The following NOL6 variants were observed in gnomAD, a reference collection of about 807,000 sequenced individuals.
NOL6 encodes the protein nucleolar RNA-associated protein.
Under a neutral mutation model 131.7 loss-of-function variants are expected in NOL6, and 33 were observed. The observed-to-expected ratio is 0.25, with a 90% CI of 0.19 to 0.33. The LOEUF (loss-of-function observed/expected upper bound fraction) is 0.33. Among genes scored for constraint, NOL6 ranks in the 10% least tolerant of loss-of-function variants. NOL6 has a pLI of 1.00. For synonymous variants in NOL6, 580 were observed against 605.7 expected, an observed-to-expected ratio of 0.96 and a Z score of 0.62; for missense variants, 1,297 against 1,494.5, an observed-to-expected ratio of 0.87 and a Z score of 2.18.
chr9:33,472,701 G>A (rs900017688), intron 1 of NOL6: 5 of 458,160 alleles, frequency 1.1e-5, no homozygotes, highest in South Asian at 2.3e-5. Context: ...GGCTGGACAC[G>A]GTGGCTGACG....
Position 33,467,161 on chromosome 9 carries a change from G to A in NOL6, c.1827C>T (p.Ser609=). 1 of 1,614,168 alleles carries A rather than the reference G, an allele frequency of 6.2e-7. No individual in the cohort carries two copies. Residue 609 remains serine (S), a synonymous_variant, in exon 14 of 26, where the codon TCC becomes TCT. Transcript: ENST00000297990. This position sits in a 1 kb window ranked among gnomAD's most constrained non-coding sequence, Gnocchi z 4.4. ...CCTGGTGGGGAATAAGGCGCTTCTGGGACATAGAGGCTGCCTCCCAGACCA... is the reference window on the plus strand; with the variant it reads ...CCTGGTGGGGAATAAGGCGCTTCTGAGACATAGAGGCTGCCTCCCAGACCA... ...EAVVWEAASM[S]QKRLIPHQVV...
In NOL6 at chr9:33,464,909, G is replaced by C. The variant is rs778877799; in HGVS notation, c.2749C>G (p.Leu917Val). The C allele has an allele frequency of 6.2e-7, 1 of 1,613,946 alleles. No homozygotes were observed. The highest frequency in any genetic ancestry group is 1.7e-5 in the Admixed American group (1 of 60,016). Residue 917 changes from leucine (L) to valine (V), a missense_variant, in exon 21 of 26, where the codon CTC becomes GTC. Coordinates refer to ENST00000297990, the MANE Select transcript of NOL6 (RefSeq NM_022917.5). ...AGCTCATTATTGAGGTTGACAAAGA[G>C]GGGGTTGTTCTTCCAATCAAACGTT... ...VSTFDWKNNP[L>V]FVNLNNELTV...
chr9:33,464,272 C>T, intron 21 of NOL6, 111 bp from the exon 22 acceptor site: 2 of 1,256,858 alleles, frequency 1.6e-6, no homozygotes, highest in Admixed American at 2.7e-5. Context: ...AGGTATTTTT[C>T]AACACTCCCC....
At chr9:33,464,450 T>C (rs1827186844) in intron 21 of NOL6, among the ~76,000 whole-genome samples, 1 of 152,088 alleles carries the variant, frequency 6.6e-6, no homozygotes, top group African/African-American at 2.4e-5. Flanking sequence ...CCTCCCACCA[T>C]GGGCTTCCAC....
rs188039141 is a variant in NOL6, at chr9:33,470,326, T to C, written c.379-135A>G. ...AATCTTCCCATAACTATGTCTTCCTTGCTAAGACAACTCCATATGAGTTGC... is the reference window on the plus strand; with the variant it reads ...AATCTTCCCATAACTATGTCTTCCTCGCTAAGACAACTCCATATGAGTTGC... On this transcript the variant is annotated intron_variant, in intron 3 of 25. Coordinates refer to ENST00000297990, the MANE Select transcript of NOL6 (RefSeq NM_022917.5). 5 of 769,714 alleles carry C rather than the reference T, an allele frequency of 6.5e-6. No individual in the cohort carries two copies. In the East Asian group the frequency reaches 1.3e-4, roughly 20 times the overall value. 47.7% of individuals were successfully genotyped at this position (769,714 alleles called of 1,614,324 possible).
chr9:33,465,338 G>A lies in NOL6; in HGVS notation c.2550C>T (p.Ala850=), dbSNP rs1461830782. 6.3e-7 allele frequency: 1 copy of A among 1,591,762 alleles called. No individual in the cohort carries two copies. The stretch of plus-strand genomic sequence containing the variant: ...TGGCCAGCCGTGCCACACCAGAGAA[G>A]GCTGGGTGCTGCTGCTGCAGTCTGC... The part of the protein sequence containing the change: ...ALHGLQQQHP[A]FSGVARLAKR... Residue 850 remains alanine (A), a synonymous_variant, in exon 20 of 26, where the codon GCC becomes GCT. Transcript: ENST00000297990.
chr9:33,463,558 C>T, intron 23 of NOL6, 117 bp from the exon 24 acceptor site: 1 of 924,998 alleles, frequency 1.1e-6, no homozygotes, highest in East Asian at 2.7e-5. Flanking sequence ...CTCTATGGGC[C>T]CACCTGCCCA....
chr9:33,466,375 CAG>C lies in NOL6; in HGVS notation c.2140_2141del (p.Leu714AlafsTer12). The C allele has an allele frequency of 6.2e-7, 1 of 1,614,222 alleles. No homozygotes were observed. Among genetic ancestry groups the C allele is most frequent in the Non-Finnish European group, 8.5e-7 (1 of 1,180,032 alleles). On this transcript the variant is annotated frameshift_variant, in exon 17 of 26. Coordinates refer to ENST00000297990, the MANE Select transcript of NOL6 (RefSeq NM_022917.5). LOFTEE classifies it high-confidence loss of function. Reference sequence around the variant, plus strand: ...GGGGCAGCAGTGAGGACCGCTCCCGCAGAGTCTCATAGAAGGAGAAGGCTGGA... The same window carrying C: ...GGGGCAGCAGTGAGGACCGCTCCCGCAGTCTCATAGAAGGAGAAGGCTGGA... ...VRPAFSFYET[L>X]RERSSLLPRL... is the part of the protein sequence containing the mutation.
intron 3 of NOL6, among the ~76,000 whole-genome samples, chr9:33,470,912 C>T (rs1475829177): frequency 6.6e-6 from 1 of 151,986 alleles, no homozygotes; most frequent in Non-Finnish European, 1.5e-5. Flanking sequence ...TTGTCCCTCT[C>T]GATTCTACTT....
At position 33,463,311 on chromosome 9, in the gene NOL6, C is replaced by A. The variant is rs772846387; in HGVS notation, c.3125G>T (p.Gly1042Val). Residue 1042 changes from glycine (G) to valine (V), a missense_variant, in exon 24 of 26, where the codon GGG becomes GTG. By Grantham distance (109) the Gly-to-Val change is moderately radical. Transcript: ENST00000297990. ...CAGCACGGGCATCAGGGATGAGGGC[C>A]CCGGCTGGCTGAGCAGGCCCCGGCA... ...SFCRGLLSQP[G>V]PSSLMPVLGY... 2 of 1,614,120 alleles carry A rather than the reference C, an allele frequency of 1.2e-6. No homozygotes were observed. The highest frequency in any genetic ancestry group is 1.7e-6 in the Non-Finnish European group (2 of 1,179,990).
chr9:33,468,663 G>T, intron 8 of NOL6, 89 bp downstream of exon 8: 2 of 1,607,384 alleles, frequency 1.2e-6, no homozygotes, highest in East Asian at 4.5e-5. Context: ...TCATCTGTCT[G>T]ATGGCAAAAC....
chr9:33,470,032 C>T lies in NOL6; in HGVS notation c.538G>A (p.Val180Met), dbSNP rs1480543379. ...CTTACCCTGGGCATGGTCAGTGCCA[C>T]ATCCACATTGATGTCTGGTCGGATG... ...TCIRPDINVDVALTMPREILQ... is the reference protein window; with the variant it reads ...TCIRPDINVDMALTMPREILQ... Residue 180 changes from valine (V) to methionine (M), a missense_variant, in exon 4 of 26, where the codon GTG becomes ATG. Transcript: ENST00000297990. 5.6e-6 allele frequency: 9 copies of T among 1,605,766 alleles called. No homozygotes were observed. The South Asian group carries it at 6.7e-5, about 12-fold the overall frequency.
rs1397418221 is a variant in NOL6, at chr9:33,467,451, G to A, written c.1668C>T (p.Leu556=). The part of the protein sequence containing the change: ...DSGTLTLGLL[L]RPEGLTSVLE... ...GGACGCTGGTCAGTCCCTCAGGCCGGAGAAGGAGTCCCAGGGTCAGGGTCC... is the reference window on the plus strand; with the variant it reads ...GGACGCTGGTCAGTCCCTCAGGCCGAAGAAGGAGTCCCAGGGTCAGGGTCC... Residue 556 remains leucine (L), a synonymous_variant, in exon 13 of 26, where the codon CTC becomes CTT. Transcript: ENST00000297990. The surrounding 1 kb of genome is among the most constrained non-coding windows in gnomAD (Gnocchi z 4.4). 9 of 1,614,108 alleles carry A rather than the reference G, an allele frequency of 5.6e-6. No homozygotes were observed. Among genetic ancestry groups the A allele is most frequent in the Non-Finnish European group, 7.6e-6 (9 of 1,180,046 alleles).
chr9:33,472,700 C>T (rs1000306817), intron 1 of NOL6: 1 of 456,494 alleles, frequency 2.2e-6, no homozygotes, highest in African/African-American at 2.0e-5. Flanking sequence ...AGGCTGGACA[C>T]GGTGGCTGAC....
Position 33,462,142 on chromosome 9 carries a change from C to T in NOL6, c.*522G>A. ...TCCTTCAATGTGGTCTATTCATACA[C>T]ATATAGCCCCTTTCCACTGCTCAGT... On this transcript the variant is annotated 3_prime_UTR_variant, in exon 26 of 26. Transcript: ENST00000297990. The T allele has an allele frequency of 1.4e-6, 1 of 717,506 alleles. No individual in the cohort carries two copies. Among genetic ancestry groups the T allele is most frequent in the Non-Finnish European group, 2.6e-6 (1 of 385,086 alleles). The allele number at this position is 717,506 out of a possible 1,614,324, so 44.4% of individuals were successfully genotyped here. A position where few individuals can be genotyped will look rare whatever the true frequency, so the allele number is the denominator to read the frequency against.
rs1827104271 is a variant in NOL6 at position 33,461,957 on chromosome 9, G to A, written c.*707C>T. On this transcript the variant is annotated 3_prime_UTR_variant, in exon 26 of 26. Coordinates refer to ENST00000297990, the MANE Select transcript of NOL6 (RefSeq NM_022917.5). ...CATGAACGGGCAAACAGCCAGGGCA[G>A]ATGCAGCTAACGGGTAGCCCCCAGT... 1 of 567,296 alleles carries A rather than the reference G, an allele frequency of 1.8e-6. No individual in the cohort carries two copies. Among genetic ancestry groups the A allele is most frequent in the African/African-American group, 1.9e-5 (1 of 53,878 alleles). The allele number at this position is 567,296 out of a possible 1,614,324, so 35.1% of individuals were successfully genotyped here. A position where few individuals can be genotyped will look rare whatever the true frequency, so the allele number is the denominator to read the frequency against.
At chr9:33,469,964 G>C (rs781274051) in intron 4 of NOL6, 48 bp downstream of exon 4, 1 of 1,481,438 alleles carries the variant, frequency 6.8e-7, no homozygotes, top group East Asian at 2.4e-5. Context: ...TCCAGGATTT[G>C]TAGGTAGTCA....
In NOL6 at chr9:33,465,187, GA is replaced by G; in HGVS notation, c.2681+19del. On this transcript the variant is annotated intron_variant, in intron 20 of 25. Transcript: ENST00000297990. ...GCCGCAAGGAAACTTCTCAGCTGGG[GA>G]AAAAGTGGAGGGAATCACCTCGGAG... 1 of 1,580,092 alleles carries G rather than the reference GA, an allele frequency of 6.3e-7. No homozygotes were observed. Among genetic ancestry groups the G allele is most frequent in the Non-Finnish European group, 8.6e-7 (1 of 1,162,106 alleles).
intron 1 of NOL6, 83 bp from the exon 2 acceptor site, chr9:33,472,495 G>A: frequency 6.3e-6 from 7 of 1,108,748 alleles, no homozygotes; most frequent in Non-Finnish European, 9.4e-6. Context: ...ATAGGTTGTG[G>A]GTAAAAGCTT....
Sources: gnomAD v4.1 joint callset for allele counts (sites outside exome capture counted in the v4.1 genomes callset) on GRCh38, gnomAD v4.1.1 for gene constraint, Gnocchi (gnomAD v3.1) non-coding constraint, MANE v1.5 for transcripts, NCBI Gene and HGNC (gene_info 2026-07-23, HGNC 2026-07-21) for gene names.